HTR3C: variants seen among roughly 807,000 people sequenced by gnomAD.
The protein encoded by HTR3C is 5-HT3-C.
In HTR3C, 32 loss-of-function variants were observed where a neutral mutation model predicts 40.5. That is an observed-to-expected ratio of 0.79 (90% confidence interval 0.60 to 1.06). The LOEUF is 1.06. Among genes scored for constraint, HTR3C ranks in the 50% least tolerant of loss-of-function variants. HTR3C has a pLI of 0.00. For missense variants in HTR3C, 523 were observed against 556.8 expected (o/e 0.94, Z 0.61); for synonymous variants, 209 against 217.1 (o/e 0.96, Z 0.33).
intron 3 of HTR3C, 45 bp downstream of exon 3, chr3:184,055,401 T>C: frequency 1.4e-6 from 2 of 1,421,734 alleles, no homozygotes; most frequent in Non-Finnish European, 2.0e-6. Flanking sequence ...TTTATAATTT[T>C]AAGCCTGAGG....
rs757154214 is a variant in HTR3C, at chr3:184,059,852, C to T, written c.950C>T (p.Ser317Phe). The T allele has an allele frequency of 6.2e-7, 1 of 1,614,020 alleles. No homozygotes were observed. The highest frequency in any genetic ancestry group is 8.5e-7 in the Non-Finnish European group (1 of 1,180,014). ...LISVYFALCL[S>F]LMVVSLLETV... The stretch of plus-strand genomic sequence containing the variant: ...GGTGTCTACTTCGCCCTGTGCCTGT[C>T]CCTGATGGTGGTCAGCCTGCTGGAG... The change falls in exon 8 of 9, where the codon TCC (serine) becomes TTC (phenylalanine). Residue 317 changes from serine to phenylalanine, a missense_variant. Coordinates refer to ENST00000318351, the MANE Select transcript of HTR3C (RefSeq NM_130770.3).
Position 184,059,480 on chromosome 3 carries a change from G to T in HTR3C, c.765G>T (p.Leu255=), listed in dbSNP as rs1266721240. Residue 255 remains leucine (L), a synonymous_variant, in exon 7 of 9, where the codon CTG becomes CTT. Coordinates refer to ENST00000318351, the MANE Select transcript of HTR3C (RefSeq NM_130770.3). ...CAAGCCTCTACATCATAAACCTGCTGGTGCCCAGTAGCTTTCTGGTTGCCA... is the reference window on the plus strand; with the variant it reads ...CAAGCCTCTACATCATAAACCTGCTTGTGCCCAGTAGCTTTCTGGTTGCCA... ...RRPSLYIINL[L]VPSSFLVAID... The T allele has an allele frequency of 6.2e-7, 1 of 1,614,146 alleles. No individual in the cohort carries two copies. The highest frequency in any genetic ancestry group is 2.2e-5 in the East Asian group (1 of 44,880).
chr3:184,057,628 G>A (rs1723354758), intron 5 of HTR3C, among the ~76,000 whole-genome samples: 2 of 152,154 alleles, frequency 1.3e-5, no homozygotes, highest in Non-Finnish European at 2.9e-5. Context: ...CAGCTACTTG[G>A]GAAGCTGAGG....
At chr3:184,054,171 T>A (rs1209421140) in intron 1 of HTR3C, among the ~76,000 whole-genome samples, 2 of 152,118 alleles carry the variant, frequency 1.3e-5, no homozygotes, top group South Asian at 4.1e-4. Flanking sequence ...AAGAGCAAAA[T>A]AAATGCATAG....
Position 184,059,905 on chromosome 3 carries a change from G to A in HTR3C, c.1003G>A (p.Val335Met), listed in dbSNP as rs761733644. 12 of 1,613,874 alleles carry A rather than the reference G, an allele frequency of 7.4e-6. No homozygotes were observed. Among genetic ancestry groups the A allele is most frequent in the Non-Finnish European group, 1.0e-5 (12 of 1,180,004 alleles). The change falls in exon 8 of 9, where the codon GTG becomes ATG. Residue 335 changes from valine to methionine, a missense_variant. Physicochemically the swap from Val to Met is conservative, Grantham distance 21 (BLOSUM62 1). Coordinates refer to ENST00000318351, the MANE Select transcript of HTR3C (RefSeq NM_130770.3). ...ETVFITYLLH[V>M]ATTQPPPMPR... Reference sequence around the variant, plus strand: ...CGTCTTCATTACCTACCTGCTGCACGTGGCCACCACCCAGCCCCCACCCAT... The same window carrying A: ...CGTCTTCATTACCTACCTGCTGCACATGGCCACCACCCAGCCCCCACCCAT...
chr3:184,053,500 C>T (rs984457389), intron 1 of HTR3C, among the ~76,000 whole-genome samples: 2 of 152,200 alleles, frequency 1.3e-5, no homozygotes, highest in Non-Finnish European at 2.9e-5. Context: ...TGATTTTAAA[C>T]ATGCCCTGAG....
At chr3:184,057,846 T>C (rs1041390451) in intron 5 of HTR3C, among the ~76,000 whole-genome samples, 9 of 152,240 alleles carry the variant, frequency 5.9e-5, no homozygotes, top group Non-Finnish European at 8.8e-5. Flanking sequence ...GATGCTAACG[T>C]GCAGACGGGG....
chr3:184,056,939 T>G lies in HTR3C; in HGVS notation c.454T>G (p.Tyr152Asp), dbSNP rs768202308. Residue 152 changes from tyrosine to aspartate, a missense_variant, in exon 5 of 9, where the codon TAT becomes GAT. Tyr to Asp is a radical substitution (Grantham distance 160). Coordinates refer to ENST00000318351, the MANE Select transcript of HTR3C (RefSeq NM_130770.3). ...TATCAGCAGTGAAGGTCGAATTAAG[T>G]ATGATAAGCCAATGAGGGTGACCAG... ...AYISSEGRIK[Y>D]DKPMRVTSIC... The G allele has an allele frequency of 6.2e-7, 1 of 1,613,886 alleles. No homozygotes were observed. The highest frequency in any genetic ancestry group is 8.5e-7 in the Non-Finnish European group (1 of 1,179,838).
intron 4 of HTR3C, 63 bp from the exon 5 acceptor site, chr3:184,056,812 C>A (rs1723335821): frequency 6.9e-7 from 1 of 1,450,214 alleles, no homozygotes; most frequent in East Asian, 2.3e-5. Context: ...CAGGGGAGAC[C>A]CCAGAAGGAA....
rs1723410882 is a variant in HTR3C at position 184,059,936 on chromosome 3, G to A, written c.1034G>A (p.Arg345Lys). 1.2e-6 allele frequency: 2 copies of A among 1,613,630 alleles called. No homozygotes were observed. Among genetic ancestry groups the A allele is most frequent in the Non-Finnish European group, 1.7e-6 (2 of 1,179,998 alleles). The part of the protein sequence containing the change: ...VATTQPPPMP[R>K]WLHSLLLHCT... ...ACCACCCAGCCCCCACCCATGCCTA[G>A]GTGGCTTCACTCCCTGCTGCTCCAC... is the stretch of plus-strand genomic sequence containing the variant. Residue 345 changes from arginine to lysine, a missense_variant, in exon 8 of 9, where the codon AGG becomes AAG. Transcript: ENST00000318351.
chr3:184,053,720 A>G (rs115021567), intron 1 of HTR3C, among the ~76,000 whole-genome samples: 6,993 of 152,256 alleles, frequency 0.046, 551 homozygotes, highest in African/African-American at 0.16. Context: ...CCGAGAGACA[A>G]TATCTGCACC....
chr3:184,057,574 T>C (rs1186218298), intron 5 of HTR3C, among the ~76,000 whole-genome samples: 1 of 151,372 alleles, frequency 6.6e-6, no homozygotes, highest in African/African-American at 2.4e-5. Context: ...ATCTACTAAA[T>C]ATACAAAAAA....
Position 184,058,300 on chromosome 3 carries a change from C to T in HTR3C, c.560-127C>T. On this transcript the variant is annotated intron_variant, in intron 5 of 8. Transcript: ENST00000318351. ...GTCGGGTAACCCACTTCTGAGAAAACCAGGATACCTTGCTTTAAAAGGATA... is the reference window on the plus strand; with the variant it reads ...GTCGGGTAACCCACTTCTGAGAAAATCAGGATACCTTGCTTTAAAAGGATA... 3.4e-6 allele frequency: 3 copies of T among 892,250 alleles called. No individual in the cohort carries two copies. The South Asian group carries it at 6.9e-5, about 21-fold the overall frequency. The allele number at this position is 892,250 out of a possible 1,614,324, so 55.3% of individuals were successfully genotyped here.
chr3:184,054,815 C>T lies in HTR3C; in HGVS notation c.162C>T (p.Phe54=), dbSNP rs545664364. ...VFQAVFDRKA[F]RPFTNYSIPT... is the part of the protein sequence containing the mutation. ...AAGCAGTGTTTGACAGAAAGGCCTT[C>T]CGTCCATTCACCAACTACAGCATCC... Residue 54 remains phenylalanine (F), a synonymous_variant, in exon 2 of 9, where the codon TTC becomes TTT. Transcript: ENST00000318351. 192 of 1,613,988 alleles carry T rather than the reference C, an allele frequency of 1.2e-4. 3 individuals carry two copies. In the South Asian group the frequency reaches 2.0e-3, roughly 17 times the overall value.
intron 1 of HTR3C, among the ~76,000 whole-genome samples, chr3:184,054,452 C>G: frequency 6.6e-6 from 1 of 152,126 alleles, no homozygotes; most frequent in East Asian, 1.9e-4. Flanking sequence ...TGCACTTAGG[C>G]CAAGTTTTCA....
chr3:184,053,299 G>A (rs1723260423), intron 1 of HTR3C, 152 bp downstream of exon 1: 1 of 631,206 alleles, frequency 1.6e-6, no homozygotes, highest in Non-Finnish European at 2.9e-6. Flanking sequence ...CAGATAGAAA[G>A]ACAGTTCACT....
At position 184,057,054 on chromosome 3, in the gene HTR3C, A is replaced by T. The variant is rs762637140; in HGVS notation, c.559+10A>T. 1 of 1,583,114 alleles carries T rather than the reference A, an allele frequency of 6.3e-7. No individual in the cohort carries two copies. Among genetic ancestry groups the T allele is most frequent in the Non-Finnish European group, 8.6e-7 (1 of 1,162,208 alleles). On this transcript the variant is annotated intron_variant, in intron 5 of 8. Transcript: ENST00000318351. ...TCTTTCCTCTACACAGGTAAGTGTGACACATTTTGGTAGCTGTTTAAGATT... is the reference window on the plus strand; with the variant it reads ...TCTTTCCTCTACACAGGTAAGTGTGTCACATTTTGGTAGCTGTTTAAGATT...
At chr3:184,057,076 GA>G (rs771559526) in intron 5 of HTR3C, 32 bp downstream of exon 5, 5 of 1,462,768 alleles carry the variant, frequency 3.4e-6, no homozygotes, top group Non-Finnish European at 4.5e-6. Context: ...AGCTGTTTAA[GA>G]TTCAGGGAAG....
Position 184,058,452 on chromosome 3 carries a change from C to T in HTR3C, c.585C>T (p.Asp195=). 1 of 1,612,278 alleles carries T rather than the reference C, an allele frequency of 6.2e-7. No individual in the cohort carries two copies. The highest frequency in any genetic ancestry group is 1.1e-5 in the South Asian group (1 of 90,686). The change falls in exon 6 of 9, where the codon GAC becomes GAT. Residue 195 remains aspartate (D), a synonymous_variant. Transcript: ENST00000318351. ...YTVDSMLLGM[D]KEVWEITDTS... is the part of the protein sequence containing the mutation. The stretch of plus-strand genomic sequence containing the variant: ...TGGACAGCATGCTGCTGGGCATGGA[C>T]AAGGAGGTGTGGGAGATCACAGACA...
Sources: allele counts gnomAD v4.1 joint callset (sites outside exome capture counted in the v4.1 genomes callset), GRCh38; gene constraint gnomAD v4.1.1; transcripts MANE v1.5; gene names NCBI Gene and HGNC (gene_info 2026-07-23, HGNC 2026-07-21).